Variants in ME3 observed in about 807,000 individuals in gnomAD.
ME3 encodes the protein malic enzyme 3.
A neutral mutation model predicts 68.9 loss-of-function variants in ME3; 48 were observed. That is an observed-to-expected ratio of 0.70 (90% CI 0.55 to 0.89). The LOEUF (loss-of-function observed/expected upper bound fraction) is 0.89, where lower values mean the gene tolerates loss of function less well. Ranked by LOEUF, ME3 falls within the 40% of genes least tolerant of loss-of-function variation. The probability of loss-of-function intolerance (pLI) is 0.00; values close to 1 mark genes in which losing one functional copy is unlikely to be tolerated. For synonymous variants in ME3, 320 were observed against 318.8 expected (o/e 1.00, Z -0.04); for missense variants, 675 against 797.4 (o/e 0.85, Z 1.85).
chr11:86,602,954 G>A (rs867198621), intron 2 of ME3, among the ~76,000 whole-genome samples: 14 of 152,064 alleles, frequency 9.2e-5, no homozygotes, highest in Admixed American at 5.2e-4. Context: ...TTAATTCAAG[G>A]TGGATTAAAG....
intron 2 of ME3, among the ~76,000 whole-genome samples, chr11:86,651,399 C>T (rs920478336): frequency 8.5e-5 from 13 of 152,142 alleles, no homozygotes; most frequent in African/African-American, 2.4e-4. Flanking sequence ...GACAAAACTT[C>T]CAGAGGAACG....
intron 6 of ME3, among the ~76,000 whole-genome samples, chr11:86,497,546 G>C (rs917188242): frequency 6.6e-6 from 1 of 152,092 alleles, no homozygotes; most frequent in South Asian, 2.1e-4. Flanking sequence ...CAGACATTTT[G>C]GCCCCTGGTG....
chr11:86,486,897 T>A (rs1351211138), intron 7 of ME3, among the ~76,000 whole-genome samples: 1 of 152,194 alleles, frequency 6.6e-6, no homozygotes. Flanking sequence ...CCACAGTGCC[T>A]CATTAACACT....
intron 4 of ME3, among the ~76,000 whole-genome samples, chr11:86,543,385 T>C (rs1400105365): frequency 1.3e-5 from 2 of 152,176 alleles, no homozygotes; most frequent in East Asian, 3.8e-4. Context: ...TCAAGAACCA[T>C]TGGTGTGCTG....
intron 4 of ME3, among the ~76,000 whole-genome samples, chr11:86,531,773 C>T (rs1213848933): frequency 6.0e-5 from 8 of 133,302 alleles, no homozygotes; most frequent in Non-Finnish European, 9.1e-5. Context: ...GGGAATTGAA[C>T]AATGAGAACA....
intron 2 of ME3, among the ~76,000 whole-genome samples, chr11:86,631,809 T>G (rs1398228602): frequency 6.6e-6 from 1 of 152,210 alleles, no homozygotes; most frequent in Non-Finnish European, 1.5e-5. Context: ...TTCAACTCAC[T>G]GCAACCTCCG....
exon 13 of ME3, chr11:86,446,455 A>T: frequency 6.2e-7 from 1 of 1,614,226 alleles, no homozygotes. Context: ...TCACACTCTT[A>T]AAAGGACTTC....
At chr11:86,563,722 T>A (rs1957348339) in intron 2 of ME3, among the ~76,000 whole-genome samples, 1 of 152,188 alleles carries the variant, frequency 6.6e-6, no homozygotes, top group Non-Finnish European at 1.5e-5. Context: ...TCCCCATTAC[T>A]TGTCTTTGTC....
At position 86,657,967 on chromosome 11, in the gene ME3, G is replaced by A. The variant is rs1341782789; in HGVS notation, c.183+13795C>T. 4.6e-5 allele frequency among the ~76,000 whole-genome samples: 7 copies of A among 152,252 alleles called. No individual in the cohort carries two copies. The South Asian group carries it at 1.4e-3, about 32-fold the overall frequency. On this transcript the variant is annotated intron_variant, in intron 2 of 14. Transcript: ENST00000543262. ...ACATGAGTTCTAGGACAGGAAGCAGGATAATGTAAGATGAATAGCTCTTCT... is the reference window on the plus strand; with the variant it reads ...ACATGAGTTCTAGGACAGGAAGCAGAATAATGTAAGATGAATAGCTCTTCT...
chr11:86,558,800 A>C (rs1957057523), intron 3 of ME3, among the ~76,000 whole-genome samples: 1 of 152,212 alleles, frequency 6.6e-6, no homozygotes, highest in African/African-American at 2.4e-5. Flanking sequence ...CACAAATACT[A>C]AGGCATTTAA....
rs566581839 is a variant in ME3, at chr11:86,671,504, G to A, written c.183+258C>T. ...GCTGACCGCAGGTCAGACTGACCGC[G>A]AGGATCTAAACCTGGTCTGTGTTGT... On this transcript the variant is annotated intron_variant, in intron 2 of 14. Transcript: ENST00000543262. Among the ~76,000 whole-genome samples the A allele has an allele frequency of 1.1e-4, 16 of 152,328 alleles. No homozygotes were observed. The South Asian group carries it at 1.7e-3, about 16-fold the overall frequency.
At chr11:86,482,560 C>T (rs745608056) in intron 7 of ME3, among the ~76,000 whole-genome samples, 1 of 150,560 alleles carries the variant, frequency 6.6e-6, no homozygotes, top group African/African-American at 2.5e-5. Context: ...TATTTATTTC[C>T]TTGTATAACC....
chr11:86,461,967 A>G (rs1279009897), intron 8 of ME3, among the ~76,000 whole-genome samples: 2 of 152,176 alleles, frequency 1.3e-5, no homozygotes, highest in African/African-American at 2.4e-5. Context: ...CCAGAAAACC[A>G]TCCCACTTGG....
chr11:86,650,686 A>G (rs11518768), intron 2 of ME3, among the ~76,000 whole-genome samples: 1 of 152,014 alleles, frequency 6.6e-6, no homozygotes, highest in Non-Finnish European at 1.5e-5. Context: ...AAGATGAATG[A>G]TTTATGCATT....
chr11:86,466,299 A>C (rs1326446407), intron 7 of ME3, among the ~76,000 whole-genome samples: 11 of 152,202 alleles, frequency 7.2e-5, no homozygotes, highest in Admixed American at 7.2e-4. Context: ...GATTATTAAA[A>C]ACTACTTAAT....
chr11:86,542,000 C>T (rs529297044), intron 4 of ME3, among the ~76,000 whole-genome samples: 315 of 152,270 alleles, frequency 2.1e-3, no homozygotes, highest in Non-Finnish European at 3.8e-3. Flanking sequence ...GCTGGTGATA[C>T]CCAGGCAAAC....
chr11:86,629,570 T>G (rs886798770), intron 2 of ME3, among the ~76,000 whole-genome samples: 1 of 152,156 alleles, frequency 6.6e-6, no homozygotes, highest in Non-Finnish European at 1.5e-5. Context: ...ATAAAACTAC[T>G]TGAAGTTTTA....
At chr11:86,440,118 C>A (rs1948929509), downstream of ME3, among the ~76,000 whole-genome samples, 1 of 152,150 alleles carries the variant, frequency 6.6e-6, no homozygotes, top group Non-Finnish European at 1.5e-5. Context: ...CATATAGGAC[C>A]TATTCGTTGC....
rs1945942647 is a variant in ME3, at chr11:86,657,114, C to T, written c.183+14648G>A. 2.0e-5 allele frequency among the ~76,000 whole-genome samples: 3 copies of T among 152,304 alleles called. No individual in the cohort carries two copies. The South Asian group carries it at 6.2e-4, about 32-fold the overall frequency. On this transcript the variant is annotated intron_variant, in intron 2 of 14. Coordinates refer to ENST00000543262, the Ensembl canonical transcript of ME3. ...ACCGTTTGACCCAGCAATCCCATTA[C>T]TGGGTATATACTCAAAGGATTATAA... is the stretch of plus-strand genomic sequence containing the variant.
Sources: allele counts gnomAD v4.1 joint callset (sites outside exome capture counted in the v4.1 genomes callset), GRCh38; gene constraint gnomAD v4.1.1; transcripts MANE v1.5; gene names NCBI Gene and HGNC (gene_info 2026-07-23, HGNC 2026-07-21).